ADAM17: variants seen among roughly 807,000 people sequenced by gnomAD.
ADAM17 encodes disintegrin and metalloproteinase domain-containing protein 17.
ADAM17 carries 39 observed loss-of-function variants against 96.7 expected under a neutral mutation model. That is an observed-to-expected ratio of 0.40 (90% confidence interval 0.31 to 0.53). The LOEUF (loss-of-function observed/expected upper bound fraction) is 0.53, where lower values mean the gene tolerates loss of function less well. ADAM17 is among the 20% of genes least tolerant of loss of function. ADAM17 has a pLI of 0.44. For synonymous variants in ADAM17, 344 were observed against 359.2 expected (o/e 0.96, Z 0.48); for missense variants, 777 against 1,013.2 (o/e 0.77, Z 3.17).
At chr2:9,513,888 G>A (rs1663880589) in intron 10 of ADAM17, among the ~76,000 whole-genome samples, 1 of 151,688 alleles carries the variant, frequency 6.6e-6, no homozygotes, top group Non-Finnish European at 1.5e-5. Flanking sequence ...GCGCATGCCT[G>A]TAATCCCAGC....
At chr2:9,547,703 G>C (rs922117438) in intron 1 of ADAM17, among the ~76,000 whole-genome samples, 1 of 152,150 alleles carries the variant, frequency 6.6e-6, no homozygotes, top group Non-Finnish European at 1.5e-5. Context: ...AAGGGCTATG[G>C]AAGGAAATCA....
chr2:9,536,088 C>T (rs1664949612), intron 3 of ADAM17, among the ~76,000 whole-genome samples, 166 bp from the exon 4 acceptor site: 1 of 152,160 alleles, frequency 6.6e-6, no homozygotes, highest in Non-Finnish European at 1.5e-5. Flanking sequence ...ATAATCTCAA[C>T]TCCTAAGGGG....
intron 4 of ADAM17, among the ~76,000 whole-genome samples, chr2:9,528,411 C>T (rs183066961): frequency 1.8e-3 from 277 of 152,198 alleles, no homozygotes; most frequent in Admixed American, 6.1e-3. Flanking sequence ...CTTTTTGCCA[C>T]GTTAGGTTTT....
chr2:9,506,540 T>C (rs1663410524), intron 11 of ADAM17, among the ~76,000 whole-genome samples: 1 of 151,952 alleles, frequency 6.6e-6, no homozygotes, highest in Non-Finnish European at 1.5e-5. Context: ...CTAATTTTTG[T>C]ATTTTTTGTA....
rs2124963286 is a variant in ADAM17, at chr2:9,493,757, G to A, written c.1983C>T (p.Ile661=). The change falls in exon 16 of 19, where the codon ATC becomes ATT. Residue 661 remains isoleucine (I), a synonymous_variant. Transcript: ENST00000310823. ...GGGGAAATCACCTACCAAAAGTATT[G>A]ATGCTCAGCTGGTCAATGAAATCCC... The part of the protein sequence containing the change: ...RFWDFIDQLS[I]NTFGKFLADN... 6.2e-7 allele frequency: 1 copy of A among 1,613,622 alleles called. No individual in the cohort carries two copies. The highest frequency in any genetic ancestry group is 8.5e-7 in the Non-Finnish European group (1 of 1,179,668).
intron 4 of ADAM17, among the ~76,000 whole-genome samples, chr2:9,531,395 G>A (rs548161689): frequency 7.2e-5 from 11 of 151,770 alleles, no homozygotes; most frequent in East Asian, 5.9e-4. Context: ...GTGAAACCCC[G>A]TCTCTACTAA....
intron 2 of ADAM17, among the ~76,000 whole-genome samples, chr2:9,538,931 G>A (rs2125037719): frequency 6.6e-6 from 1 of 152,200 alleles, no homozygotes; most frequent in South Asian, 2.1e-4. Flanking sequence ...GGTCCATTTA[G>A]TCAGGTATAT....
At chr2:9,523,759 CAG>C in intron 6 of ADAM17, among the ~76,000 whole-genome samples, 1 of 152,270 alleles carries the variant, frequency 6.6e-6, no homozygotes, top group Non-Finnish European at 1.5e-5. Context: ...CCTCTGTCAC[CAG>C]AGACAATATG....
At chr2:9,532,497 G>A (rs939006654) in intron 4 of ADAM17, among the ~76,000 whole-genome samples, 31 of 151,954 alleles carry the variant, frequency 2.0e-4, no homozygotes, top group Non-Finnish European at 4.4e-5. Context: ...TGTGAGATAG[G>A]GTCTCGCTCT....
Position 9,517,485 on chromosome 2 carries a change from G to A in ADAM17, c.1191+416C>T, listed in dbSNP as rs978242697. The stretch of plus-strand genomic sequence containing the variant: ...TCCCAACAATATGCAGGTCATCTAC[G>A]TTTTCTTAGGAAGCTCCTGCAAGAT... On this transcript the variant is annotated intron_variant, in intron 10 of 18. Transcript: ENST00000310823. Among the ~76,000 whole-genome samples, 19 of 152,164 alleles carry A rather than the reference G, an allele frequency of 1.2e-4. 1 individual carries two copies. In the South Asian group the frequency reaches 2.3e-3, roughly 18 times the overall value.
At chr2:9,506,615 T>A (rs1663419142) in intron 11 of ADAM17, among the ~76,000 whole-genome samples, 1 of 151,972 alleles carries the variant, frequency 6.6e-6, no homozygotes, top group South Asian at 2.1e-4. Context: ...TCTGCCCACC[T>A]CGGTCTCCAA....
intron 2 of ADAM17, 128 bp from the exon 3 acceptor site, chr2:9,536,956 A>G: frequency 9.2e-7 from 1 of 1,092,674 alleles, no homozygotes; most frequent in East Asian, 2.7e-5. Flanking sequence ...TTACAACTAA[A>G]GTCTTATTAG....
chr2:9,494,351 CAT>C (rs1662391685), intron 15 of ADAM17, among the ~76,000 whole-genome samples: 1 of 152,096 alleles, frequency 6.6e-6, no homozygotes, highest in African/African-American at 2.4e-5. Flanking sequence ...TCTAGGAAAA[CAT>C]AATTAGGACC....
At chr2:9,492,520 G>A (rs1158505092) in intron 17 of ADAM17, among the ~76,000 whole-genome samples, 1 of 152,148 alleles carries the variant, frequency 6.6e-6, no homozygotes, top group Non-Finnish European at 1.5e-5. Context: ...CATGATATAT[G>A]GGGAACATCT....
chr2:9,513,872 G>A (rs1232508906), intron 10 of ADAM17, among the ~76,000 whole-genome samples: 1 of 152,044 alleles, frequency 6.6e-6, no homozygotes, highest in South Asian at 2.1e-4. Flanking sequence ...TTAGCTGGTC[G>A]TGATGGCGCA....
Position 9,489,618 on chromosome 2 carries a change from A to G in ADAM17, c.*559T>C, listed in dbSNP as rs939643914. ...TAACCCAAATGATTTCTAAATTTAG[A>G]TATATATTTTCCCTGCTACATAAAA... On this transcript the variant is annotated 3_prime_UTR_variant, in exon 19 of 19. Coordinates refer to ENST00000310823, the MANE Select transcript of ADAM17 (RefSeq NM_003183.6). 5.9e-5 allele frequency: 9 copies of G among 151,358 alleles called. No homozygotes were observed. Among genetic ancestry groups the G allele is most frequent in the Non-Finnish European group, 1.0e-4 (7 of 67,892 alleles). 9.4% of individuals were successfully genotyped at this position (151,358 alleles called of 1,614,324 possible). A position where few individuals can be genotyped will look rare whatever the true frequency, so the allele number is the denominator to read the frequency against.
At chr2:9,512,626 TAG>T (rs1663805084) in intron 10 of ADAM17, among the ~76,000 whole-genome samples, 1 of 152,192 alleles carries the variant, frequency 6.6e-6, no homozygotes, top group African/African-American at 2.4e-5. Context: ...ATTCTCATTC[TAG>T]AGAGGGTCCT....
chr2:9,548,807 G>A (rs1479463402), intron 1 of ADAM17, among the ~76,000 whole-genome samples: 19 of 152,134 alleles, frequency 1.2e-4, no homozygotes, highest in Admixed American at 1.2e-3. Context: ...CCAATACTTT[G>A]TTCCTTCTAA....
rs1255940966 is a variant in ADAM17 at position 9,543,219 on chromosome 2, A to T, written c.164T>A (p.Val55Glu). The T allele has an allele frequency of 3.7e-6, 6 of 1,610,148 alleles. No homozygotes were observed. In the Admixed American group the frequency reaches 1.0e-4, roughly 27 times the overall value. ...TGAAGTCTGTAGATCTCTTTTTCTTACCGAATGCTGCTGGATATTAGATAA... is the reference window on the plus strand; with the variant it reads ...TGAAGTCTGTAGATCTCTTTTTCTTTCCGAATGCTGCTGGATATTAGATAA... Reference protein sequence around the residue: ...LSLSNIQQHSVRKRDLQTSTH... With the variant: ...LSLSNIQQHSERKRDLQTSTH... The change falls in exon 2 of 19, where the codon GTA (valine) becomes GAA (glutamate). Residue 55 changes from valine to glutamate, a missense_variant. Physicochemically the swap from Val to Glu is moderately radical, Grantham distance 121 (BLOSUM62 -2). Coordinates refer to ENST00000310823, the MANE Select transcript of ADAM17 (RefSeq NM_003183.6).
Sources: allele counts gnomAD v4.1 joint callset (sites outside exome capture counted in the v4.1 genomes callset), GRCh38; gene constraint gnomAD v4.1.1; transcripts MANE v1.5; gene names NCBI Gene and HGNC (gene_info 2026-07-23, HGNC 2026-07-21).